Variants in ZNF606 observed in about 807,000 individuals in gnomAD.
ZNF606 encodes the protein zinc finger protein 606.
In ZNF606, 37 loss-of-function variants were observed where a neutral mutation model predicts 74.9. The observed-to-expected ratio is 0.49, with a 90% CI of 0.38 to 0.65. The LOEUF is 0.65. Ranked by LOEUF, ZNF606 falls within the 30% of genes least tolerant of loss-of-function variation. The pLI is 0.00. For synonymous variants in ZNF606, 328 were observed against 312.4 expected (o/e 1.05, Z -0.53); for missense variants, 852 against 952.9 (o/e 0.89, Z 1.39).
chr19:57,997,489 CACTT>C (rs1356377476), intron 4 of ZNF606: 1 of 152,148 alleles, frequency 6.6e-6, no homozygotes, highest in African/African-American at 2.4e-5. Flanking sequence ...CTGAAGATCT[CACTT>C]AGTTAAAAAC....
At chr19:57,985,666 C>A (rs749342520) in intron 6 of ZNF606, among the ~76,000 whole-genome samples, 3 of 151,836 alleles carry the variant, frequency 2.0e-5, no homozygotes, top group Non-Finnish European at 1.5e-5. Context: ...TGGTGGCTCA[C>A]GCCTGTAATC....
rs1228933008 is a variant in ZNF606, at chr19:57,979,625, T to C, written c.1055A>G (p.Asn352Ser). Residue 352 changes from asparagine (N) to serine (S), a missense_variant, in exon 7 of 7, where the codon AAT becomes AGT. Transcript: ENST00000551380. ...CATAAAGGATGAGAAATAAAAGATA[T>C]TCTCATATTCTTTGTAATTATACTG... ...ENQYNYKEYENIFYFSSFMEH... is the reference protein window; with the variant it reads ...ENQYNYKEYESIFYFSSFMEH... The C allele has an allele frequency of 3.1e-6, 5 of 1,613,430 alleles. No homozygotes were observed. The highest frequency in any genetic ancestry group is 1.7e-5 in the Admixed American group (1 of 59,996).
intron 4 of ZNF606, among the ~76,000 whole-genome samples, chr19:57,993,817 C>T (rs1370701230): frequency 1.3e-5 from 2 of 152,124 alleles, no homozygotes; most frequent in African/African-American, 4.8e-5. Flanking sequence ...ACCAGCTGAC[C>T]CTGGCCCATG....
chr19:57,988,838 G>A (rs2073207000), intron 4 of ZNF606, 117 bp from the exon 5 acceptor site: 1 of 1,512,180 alleles, frequency 6.6e-7, no homozygotes. Context: ...AACTCTCCTG[G>A]TTATTCAAGA....
At chr19:58,001,581 TGA>T (rs1568586608) in intron 1 of ZNF606, among the ~76,000 whole-genome samples, 3 of 152,146 alleles carry the variant, frequency 2.0e-5, no homozygotes, top group South Asian at 4.1e-4. Context: ...TGATCCTGAA[TGA>T]GAGGGTACAA....
chr19:57,988,926 T>C (rs2073208703), intron 4 of ZNF606, among the ~76,000 whole-genome samples: 1 of 152,190 alleles, frequency 6.6e-6, no homozygotes, highest in Admixed American at 6.5e-5. Context: ...GGGAATTAGA[T>C]ACCTGGGTCC....
At chr19:57,983,435 G>A (rs925972367) in intron 6 of ZNF606, among the ~76,000 whole-genome samples, 4 of 151,992 alleles carry the variant, frequency 2.6e-5, no homozygotes, top group Admixed American at 1.3e-4. Flanking sequence ...AAAATTAGCC[G>A]GGCATAGTGG....
At chr19:58,000,923 A>G (rs764004202) in intron 2 of ZNF606, among the ~76,000 whole-genome samples, 184 bp from the exon 3 acceptor site, 21 of 152,224 alleles carry the variant, frequency 1.4e-4, no homozygotes, top group Non-Finnish European at 5.9e-5. Context: ...GTCACTATTA[A>G]TTAACACCGT....
chr19:57,980,887 C>A (rs866883735), intron 6 of ZNF606, among the ~76,000 whole-genome samples: 3 of 151,416 alleles, frequency 2.0e-5, no homozygotes, highest in African/African-American at 7.3e-5. Context: ...GCAGGCCTGA[C>A]GTGCTCAAAC....
chr19:57,993,161 A>G (rs1188670098), intron 4 of ZNF606, among the ~76,000 whole-genome samples: 1 of 152,202 alleles, frequency 6.6e-6, no homozygotes, highest in Non-Finnish European at 1.5e-5. Context: ...GAAGAAACAC[A>G]GCCCTGCAGA....
chr19:58,000,098 T>A lies in ZNF606; in HGVS notation c.89-202A>T, dbSNP rs902803459. On this transcript the variant is annotated intron_variant, in intron 3 of 6. Coordinates refer to ENST00000551380, the MANE Select transcript of ZNF606 (RefSeq NM_001348022.3). ...ACATGAATCTCTCATTGGCCCCCCCTGTGCTATTGGGTACCATCTCTGAGA... is the reference window on the plus strand; with the variant it reads ...ACATGAATCTCTCATTGGCCCCCCCAGTGCTATTGGGTACCATCTCTGAGA... 1.2e-4 allele frequency: 69 copies of A among 554,502 alleles called. No individual in the cohort carries two copies. In the South Asian group the frequency reaches 1.6e-3, roughly 13 times the overall value. The allele number at this position is 554,502 out of a possible 1,614,324, so 34.3% of individuals were successfully genotyped here.
At chr19:57,997,912 T>C (rs959225912) in intron 4 of ZNF606, 3 of 152,224 alleles carry the variant, frequency 2.0e-5, no homozygotes, top group African/African-American at 7.2e-5. Context: ...ATCATATGGT[T>C]CAGGCCCTTC....
At chr19:57,982,102 G>T (rs561448496) in intron 6 of ZNF606, among the ~76,000 whole-genome samples, 1 of 152,114 alleles carries the variant, frequency 6.6e-6, no homozygotes, top group Admixed American at 6.5e-5. Context: ...TGATCTTTCC[G>T]TTCTGGAAGT....
rs2073059904 is a variant in ZNF606, at chr19:57,980,070, C to T, written c.610G>A (p.Val204Ile). 1 of 1,613,816 alleles carries T rather than the reference C, an allele frequency of 6.2e-7. No homozygotes were observed. The highest frequency in any genetic ancestry group is 8.5e-7 in the Non-Finnish European group (1 of 1,180,034). Residue 204 changes from valine (V) to isoleucine (I), a missense_variant, in exon 7 of 7, where the codon GTA (valine) becomes ATA (isoleucine). By Grantham distance (29) the Val-to-Ile change is conservative. Around this residue, in one of 3 missense-constraint regions of ZNF606, gnomAD observed 545 missense variants for 542.5 expected, o/e 1.00. Coordinates refer to ENST00000551380, the MANE Select transcript of ZNF606 (RefSeq NM_001348022.3). ...AATTCAGAGCTTCTCTGGGATAGTA[C>T]TTGCTTTTGCATGAAGACCATCTGC... ...MRQMVFMQKQ[V>I]LSQRSSEFCG...
At chr19:57,985,408 T>C (rs2073149342) in intron 6 of ZNF606, among the ~76,000 whole-genome samples, 1 of 152,196 alleles carries the variant, frequency 6.6e-6, no homozygotes, top group Admixed American at 6.5e-5. Context: ...AGCTGGTCTT[T>C]ATTTTGCCTG....
rs753523075 is a variant in ZNF606 at position 57,999,794 on chromosome 19, C to T, written c.177+14G>A. 4.3e-6 allele frequency: 7 copies of T among 1,613,156 alleles called. No homozygotes were observed. The highest frequency in any genetic ancestry group is 3.3e-5 in the South Asian group (3 of 91,064). ...TGGACATCATCCTCTGGGAACAGGA[C>T]AGCCCCATCTCACCTGAACCTGGGC... On this transcript the variant is annotated intron_variant, in intron 4 of 6. Coordinates refer to ENST00000551380, the MANE Select transcript of ZNF606 (RefSeq NM_001348022.3).
intron 6 of ZNF606, among the ~76,000 whole-genome samples, chr19:57,987,511 C>A (rs1039379938): frequency 1.1e-4 from 17 of 151,936 alleles, no homozygotes; most frequent in African/African-American, 3.9e-4. Flanking sequence ...TTGTTTGGTA[C>A]CCACAAGATC....
At chr19:57,983,953 A>C (rs1216464069) in intron 6 of ZNF606, among the ~76,000 whole-genome samples, 6 of 152,256 alleles carry the variant, frequency 3.9e-5, no homozygotes, top group Admixed American at 1.3e-4. Context: ...CAGGGATCTC[A>C]TAATCAAAGA....
rs867952725 is a variant in ZNF606, at chr19:57,978,920, T to C, written c.1760A>G (p.Gln587Arg). The C allele has an allele frequency of 6.2e-7, 1 of 1,614,048 alleles. No homozygotes were observed. Among genetic ancestry groups the C allele is most frequent in the African/African-American group, 1.3e-5 (1 of 74,920 alleles). Residue 587 changes from glutamine (Q) to arginine (R), a missense_variant, in exon 7 of 7, where the codon CAG becomes CGG. Transcript: ENST00000551380. The surrounding 1 kb of genome is among the most constrained non-coding windows in gnomAD (Gnocchi z 4.4). The stretch of plus-strand genomic sequence containing the variant: ...TGGTTTCTCTCCCGTGTGAGTTCTC[T>C]GATGGGCAATAAGATGGGAGCTCCA... ...FSWSSHLIAHQRTHTGEKPYN... is the reference protein window; with the variant it reads ...FSWSSHLIAHRRTHTGEKPYN...
Sources: gnomAD v4.1 joint callset for allele counts (sites outside exome capture counted in the v4.1 genomes callset) on GRCh38, gnomAD v4.1.1 for gene constraint, gnomAD v4.1.1 regional missense constraint, Gnocchi (gnomAD v3.1) non-coding constraint, MANE v1.5 for transcripts, NCBI Gene and HGNC (gene_info 2026-07-23, HGNC 2026-07-21) for gene names.